Variants in CADPS2 observed in about 807,000 individuals in gnomAD.
The protein encoded by CADPS2 is calcium-dependent secretion activator 2.
CADPS2 carries 93 observed loss-of-function variants against 172.5 expected under a neutral mutation model. The ratio of observed to expected loss-of-function variants is 0.54; its 90% CI spans 0.46 to 0.64. The LOEUF (loss-of-function observed/expected upper bound fraction) is 0.64. Ranked by LOEUF, CADPS2 falls within the 30% of genes least tolerant of loss-of-function variation. The pLI, the probability that CADPS2 is intolerant of heterozygous loss-of-function variation, is 0.00. For synonymous variants in CADPS2, 546 were observed against 555.2 expected (o/e 0.98, Z 0.23); for missense variants, 1,420 against 1,565.9 (o/e 0.91, Z 1.57).
At chr7:122,735,662 A>G (rs941073132) in intron 2 of CADPS2, among the ~76,000 whole-genome samples, 1 of 152,126 alleles carries the variant, frequency 6.6e-6, no homozygotes, top group African/African-American at 2.4e-5. Flanking sequence ...TGCTGATCCA[A>G]TTTCAGTTTC....
chr7:122,722,453 G>A (rs1046445883), intron 2 of CADPS2, among the ~76,000 whole-genome samples: 198 of 151,480 alleles, frequency 1.3e-3, no homozygotes, highest in African/African-American at 4.6e-3. Context: ...TTGCTTCAAA[G>A]AGAATAAAAT....
At chr7:122,660,233 G>A (rs1021780270) in intron 3 of CADPS2, among the ~76,000 whole-genome samples, 6 of 152,154 alleles carry the variant, frequency 3.9e-5, no homozygotes, top group African/African-American at 7.2e-5. Context: ...CAAGGGATGC[G>A]AGGAAGGAAT....
intron 1 of CADPS2, among the ~76,000 whole-genome samples, chr7:122,869,787 C>T (rs1417368515): frequency 6.6e-6 from 1 of 151,914 alleles, no homozygotes; most frequent in Non-Finnish European, 1.5e-5. Context: ...CTGACACAAA[C>T]AGTAAAAGAT....
chr7:122,779,462 C>G (rs1429947107), intron 1 of CADPS2, among the ~76,000 whole-genome samples: 2 of 152,142 alleles, frequency 1.3e-5, no homozygotes, highest in African/African-American at 4.8e-5. Context: ...ATATCATACC[C>G]ACAGACATTT....
At chr7:122,780,144 A>T (rs1293318340) in intron 1 of CADPS2, among the ~76,000 whole-genome samples, 1 of 152,156 alleles carries the variant, frequency 6.6e-6, no homozygotes, top group African/African-American at 2.4e-5. Context: ...TTAAAATCTT[A>T]TTTCTGTACA....
chr7:122,513,453 C>A lies in CADPS2; in HGVS notation c.1476-138G>T, dbSNP rs1164814146. 5 of 634,848 alleles carry A rather than the reference C, an allele frequency of 7.9e-6. No individual in the cohort carries two copies. The East Asian group carries it at 8.4e-5, about 11-fold the overall frequency. 39.3% of individuals were successfully genotyped at this position (634,848 alleles called of 1,614,324 possible). On this transcript the variant is annotated intron_variant, in intron 8 of 29. Coordinates refer to ENST00000449022, the MANE Select transcript of CADPS2 (RefSeq NM_017954.11). ...AGTTTAGCTCATTTGGAAAGTGAGA[C>A]AACCTGCAGCTTCTGTGATACAAAA...
At chr7:122,324,519 G>A (rs1451021973) in intron 29 of CADPS2, among the ~76,000 whole-genome samples, 1 of 152,074 alleles carries the variant, frequency 6.6e-6, no homozygotes, top group Non-Finnish European at 1.5e-5. Context: ...GTCTGGGGTG[G>A]GGCCCAAGAA....
chr7:122,862,389 A>G (rs1316554043), intron 1 of CADPS2, among the ~76,000 whole-genome samples: 1 of 152,178 alleles, frequency 6.6e-6, no homozygotes, highest in Non-Finnish European at 1.5e-5. Context: ...CACATAATCC[A>G]AGGAAAGAAG....
At chr7:122,671,040 C>T (rs2081787532) in intron 2 of CADPS2, among the ~76,000 whole-genome samples, 2 of 152,166 alleles carry the variant, frequency 1.3e-5, no homozygotes, top group Admixed American at 1.3e-4. Flanking sequence ...CAGCTGATCC[C>T]TACTCAGGAA....
intron 29 of CADPS2, among the ~76,000 whole-genome samples, 189 bp downstream of exon 29, chr7:122,325,288 A>G (rs1319380278): frequency 1.3e-5 from 2 of 152,044 alleles, no homozygotes; most frequent in East Asian, 3.9e-4. Flanking sequence ...AATTTTTTTT[A>G]TTAGTGCAAA....
intron 7 of CADPS2, among the ~76,000 whole-genome samples, chr7:122,555,111 G>T (rs920184737): frequency 6.6e-6 from 1 of 152,044 alleles, no homozygotes; most frequent in Admixed American, 6.6e-5. Context: ...GCACAAATAT[G>T]CCTCATGTTT....
chr7:122,328,992 T>A (rs1359993045), intron 28 of CADPS2, among the ~76,000 whole-genome samples: 2 of 152,050 alleles, frequency 1.3e-5, no homozygotes, highest in Non-Finnish European at 2.9e-5. Context: ...GCTCAGAAGG[T>A]GGTATTGACA....
At chr7:122,877,585 TAATG>T (rs1349237268) in intron 1 of CADPS2, among the ~76,000 whole-genome samples, 2 of 152,110 alleles carry the variant, frequency 1.3e-5, no homozygotes, top group African/African-American at 4.8e-5. Context: ...CATTTATCCA[TAATG>T]AGATTTAAAA....
intron 8 of CADPS2, among the ~76,000 whole-genome samples, chr7:122,519,986 C>T (rs2060658288): frequency 6.6e-6 from 1 of 151,820 alleles, no homozygotes; most frequent in Non-Finnish European, 1.5e-5. Flanking sequence ...ATCTCAGTAC[C>T]TACAATCTTT....
chr7:122,440,055 G>T (rs1401123639), intron 16 of CADPS2: 1 of 152,126 alleles, frequency 6.6e-6, no homozygotes, highest in Non-Finnish European at 1.5e-5. Context: ...GGTATCATAG[G>T]TTTCAAGAAT....
intron 1 of CADPS2, among the ~76,000 whole-genome samples, chr7:122,750,037 A>G (rs2092885434): frequency 6.6e-6 from 1 of 152,040 alleles, no homozygotes; most frequent in Admixed American, 6.6e-5. Flanking sequence ...AGTTTATTCT[A>G]TCAGTTACAA....
intron 17 of CADPS2, among the ~76,000 whole-genome samples, chr7:122,434,291 G>A (rs544628564): frequency 2.6e-5 from 4 of 152,026 alleles, no homozygotes; most frequent in African/African-American, 9.6e-5. Context: ...GTGGCTCTGA[G>A]TGTTTTGTTC....
At chr7:122,581,013 A>G (rs1202478191) in intron 7 of CADPS2, among the ~76,000 whole-genome samples, 166 bp downstream of exon 7, 1 of 152,188 alleles carries the variant, frequency 6.6e-6, no homozygotes, top group Admixed American at 6.5e-5. Flanking sequence ...ATAGACAATT[A>G]GATTTAATAA....
At chr7:122,598,959 T>G (rs2072328432) in intron 6 of CADPS2, among the ~76,000 whole-genome samples, 1 of 151,920 alleles carries the variant, frequency 6.6e-6, no homozygotes, top group Non-Finnish European at 1.5e-5. Flanking sequence ...ACTGAAGCCC[T>G]CTGGGGAAGG....
Sources: allele counts gnomAD v4.1 joint callset (sites outside exome capture counted in the v4.1 genomes callset), GRCh38; gene constraint gnomAD v4.1.1; transcripts MANE v1.5; gene names NCBI Gene and HGNC (gene_info 2026-07-23, HGNC 2026-07-21).